Variants in HOXA6 observed in about 807,000 individuals in gnomAD.
HOXA6 encodes homeobox A6.
A neutral mutation model predicts 23.2 loss-of-function variants in HOXA6; 19 were observed. The observed-to-expected ratio is 0.82, with a 90% CI of 0.57 to 1.20. HOXA6 has a LOEUF of 1.20. HOXA6 is among the 50% of genes most tolerant of loss of function. The probability of loss-of-function intolerance (pLI) is 0.00; values close to 1 mark genes in which losing one functional copy is unlikely to be tolerated. For synonymous variants in HOXA6, 140 were observed against 132.6 expected, an observed-to-expected ratio of 1.06 and a Z score of -0.38; for missense variants, 346 against 313.6, an observed-to-expected ratio of 1.10 and a Z score of -0.78.
chr7:27,145,868 G>C lies in HOXA6; in HGVS notation c.492C>G (p.Arg164=), dbSNP rs1460040575. ...HGRRGRQTYT[R]YQTLELEKEF... ...CCTTCTCCAGCTCCAGTGTCTGGTA[G>C]CGCGTGTAGGTCTGGCGGCCTCGGC... Residue 164 remains arginine, a synonymous_variant, in exon 2 of 2, where the codon CGC becomes CGG. Coordinates refer to ENST00000222728, the MANE Select transcript of HOXA6 (RefSeq NM_024014.4). 6.2e-7 allele frequency: 1 copy of C among 1,614,218 alleles called. No homozygotes were observed. Among genetic ancestry groups the C allele is most frequent in the East Asian group, 2.2e-5 (1 of 44,874 alleles).
At position 27,145,852 on chromosome 7, in the gene HOXA6, G is replaced by A; in HGVS notation, c.508C>T (p.Leu170=). Residue 170 remains leucine (L), a synonymous_variant, in exon 2 of 2, where the codon CTG becomes TTG. Transcript: ENST00000222728. ...CGGTTGAAGTGGAACTCCTTCTCCA[G>A]CTCCAGTGTCTGGTAGCGCGTGTAG... The part of the protein sequence containing the change: ...QTYTRYQTLE[L]EKEFHFNRYL... The A allele has an allele frequency of 6.2e-6, 10 of 1,614,250 alleles. No homozygotes were observed. The highest frequency in any genetic ancestry group is 8.5e-6 in the Non-Finnish European group (10 of 1,180,056).
rs1168270217 is a variant in HOXA6, at chr7:27,147,575, G to A, written c.175C>T (p.Gln59Ter). 6.2e-7 allele frequency: 1 copy of A among 1,614,130 alleles called. No individual in the cohort carries two copies. The highest frequency in any genetic ancestry group is 8.5e-7 in the Non-Finnish European group (1 of 1,180,060). ...CAGGCCAGGACCGAGTTGGACTGTT[G>A]GTAGAAACAAGGTGAGGTGTACGTC... ...DKTYTSPCFYQQSNSVLACNR... is the reference protein window; with the variant it reads ...DKTYTSPCFY The change falls in exon 1 of 2, where the codon CAA becomes TAA. Residue 59 changes from glutamine to a stop codon, truncating the protein, a stop_gained. Coordinates refer to ENST00000222728, the MANE Select transcript of HOXA6 (RefSeq NM_024014.4). LOFTEE classifies it high-confidence loss of function.
At position 27,145,717 on chromosome 7, in the gene HOXA6, TG is replaced by T; in HGVS notation, c.642del (p.Asn214LysfsTer?). 6.2e-7 allele frequency: 1 copy of T among 1,614,186 alleles called. No homozygotes were observed. The highest frequency in any genetic ancestry group is 8.5e-7 in the Non-Finnish European group (1 of 1,180,036). ...QNRRMKWKKE[N>X]KLINSTQPSG... is the part of the protein sequence containing the mutation. ...CTGGGCTGCGTGGAATTGATGAGCT[TG>T]TTTTCCTTTTTCCACTTCATGCGGC... On this transcript the variant is annotated frameshift_variant, in exon 2 of 2. Transcript: ENST00000222728. LOFTEE classifies it high-confidence loss of function.
chr7:27,147,672 G>A lies in HOXA6; in HGVS notation c.78C>T (p.Pro26=), dbSNP rs866015529. 2 of 1,614,066 alleles carry A rather than the reference G, an allele frequency of 1.2e-6. No homozygotes were observed. The highest frequency in any genetic ancestry group is 1.7e-6 in the Non-Finnish European group (2 of 1,180,042). The change falls in exon 1 of 2, where the codon CCC becomes CCT. Residue 26 remains proline (P), a synonymous_variant. Coordinates refer to ENST00000222728, the MANE Select transcript of HOXA6 (RefSeq NM_024014.4). ...GCGCGTCATAGCCAGCCTGGTAGAG[G>A]GGCAGCTGGCCCAAGAAGGAGTCCT... ...SGQDSFLGQL[P]LYQAGYDALR...
intron 1 of HOXA6, among the ~76,000 whole-genome samples, chr7:27,146,261 G>GTT (rs1782765395): frequency 6.6e-6 from 1 of 151,692 alleles, no homozygotes; most frequent in Non-Finnish European, 1.5e-5. Context: ...TTGTGTGTGT[G>GTT]TGTGTGTGTG....
At position 27,145,832 on chromosome 7, in the gene HOXA6, G is replaced by A. The variant is rs750134271; in HGVS notation, c.528C>T (p.Phe176=). 1.9e-6 allele frequency: 3 copies of A among 1,614,274 alleles called. No homozygotes were observed. In the East Asian group the frequency reaches 6.7e-5, roughly 36 times the overall value. ...GGCGGCGCCGTGTCAGGTAGCGGTT[G>A]AAGTGGAACTCCTTCTCCAGCTCCA... The part of the protein sequence containing the change: ...QTLELEKEFH[F]NRYLTRRRRI... Residue 176 remains phenylalanine (F), a synonymous_variant, in exon 2 of 2, where the codon TTC becomes TTT. Transcript: ENST00000222728.
In HOXA6 at chr7:27,145,576, G is replaced by A. The variant is rs1249459073; in HGVS notation, c.*82C>T. ...GAAGCCCCCAGATGGGAGCAGGCGGGGAGAAAAGTTGGGGAACAGGCGAGG... is the reference window on the plus strand; with the variant it reads ...GAAGCCCCCAGATGGGAGCAGGCGGAGAGAAAAGTTGGGGAACAGGCGAGG... On this transcript the variant is annotated 3_prime_UTR_variant, in exon 2 of 2. Coordinates refer to ENST00000222728, the MANE Select transcript of HOXA6 (RefSeq NM_024014.4). 5.2e-6 allele frequency: 8 copies of A among 1,531,548 alleles called. No individual in the cohort carries two copies. Among genetic ancestry groups the A allele is most frequent in the Non-Finnish European group, 7.0e-6 (8 of 1,138,932 alleles). 94.9% of individuals were successfully genotyped at this position (1,531,548 alleles called of 1,614,324 possible). A position where few individuals can be genotyped will look rare whatever the true frequency, so the allele number is the denominator to read the frequency against.
rs767679442 is a variant in HOXA6 at position 27,145,659 on chromosome 7, T to G, written c.701A>C (p.Ter234SerextTer?). ...GEDSEAKAGE[*>S] is the part of the protein sequence containing the mutation. Reference sequence around the variant, plus strand: ...CTGGCCTGGTCCCTGCCCAGGCATCTACTCGCCCGCCTTTGCCTCTGAGTC... The same window carrying G: ...CTGGCCTGGTCCCTGCCCAGGCATCGACTCGCCCGCCTTTGCCTCTGAGTC... The change falls in exon 2 of 2, where the codon TAG becomes TCG. Residue 234 changes from the stop codon to serine (S), a stop_lost. Coordinates refer to ENST00000222728, the MANE Select transcript of HOXA6 (RefSeq NM_024014.4). The G allele has an allele frequency of 2.5e-6, 4 of 1,612,862 alleles. No individual in the cohort carries two copies. Among genetic ancestry groups the G allele is most frequent in the South Asian group, 1.1e-5 (1 of 91,030 alleles).
intron 1 of HOXA6, 194 bp downstream of exon 1, chr7:27,147,114 G>T (rs997839392): frequency 2.9e-5 from 18 of 624,282 alleles, no homozygotes; most frequent in Non-Finnish European, 5.0e-5. Context: ...CTGGGGCCTT[G>T]CCCTTCCTCT....
In HOXA6 at chr7:27,147,363, G is replaced by C. The variant is rs200483396; in HGVS notation, c.387C>G (p.Asp129Glu). 66 of 1,614,194 alleles carry C rather than the reference G, an allele frequency of 4.1e-5. 1 individual carries two copies. Among genetic ancestry groups the C allele is most frequent in the Non-Finnish European group, 2.5e-6 (3 of 1,180,038 alleles). ...GGTAAACCGGGCTCGTGTACTTCCG[G>C]TCGGCGCCTTCGTCATGGAGTGCTT... The part of the protein sequence containing the change: ...QGKALHDEGA[D>E]RKYTSPVYPW... The change falls in exon 1 of 2, where the codon GAC (aspartate) becomes GAG (glutamate). Residue 129 changes from aspartate (D) to glutamate (E), a missense_variant. Physicochemically the swap from Asp to Glu is conservative, Grantham distance 45. Coordinates refer to ENST00000222728, the MANE Select transcript of HOXA6 (RefSeq NM_024014.4).
At position 27,147,744 on chromosome 7, in the gene HOXA6, A is replaced by G; in HGVS notation, c.6T>C (p.Ser2=). ...GGAAAGTGGGATTCACAAAATAGGA[A>G]CTCATTTGCGCGCCCCTCTGCAGGA... M[S]SYFVNPTFPG... Residue 2 remains serine, a synonymous_variant, in exon 1 of 2, where the codon AGT becomes AGC. Transcript: ENST00000222728. 6.2e-7 allele frequency: 1 copy of G among 1,601,020 alleles called. No individual in the cohort carries two copies. The highest frequency in any genetic ancestry group is 1.1e-5 in the South Asian group (1 of 90,932).
In HOXA6 at chr7:27,145,454, T is replaced by G; in HGVS notation, c.*204A>C. 1.3e-5 allele frequency: 1 copy of G among 79,084 alleles called. No individual in the cohort carries two copies. The highest frequency in any genetic ancestry group is 2.2e-5 in the Non-Finnish European group (1 of 45,654). The allele number at this position is 79,084 out of a possible 1,614,324, so 4.9% of individuals were successfully genotyped here. Reference sequence around the variant, plus strand: ...GTATTGGCTGTGTGTGAGGTTTTGTTTTGTTTTGTTTTGTTTTGTTTTGTT... The same window carrying G: ...GTATTGGCTGTGTGTGAGGTTTTGTGTTGTTTTGTTTTGTTTTGTTTTGTT... On this transcript the variant is annotated 3_prime_UTR_variant, in exon 2 of 2. Transcript: ENST00000222728.
rs759859340 is a variant in HOXA6 at position 27,145,871 on chromosome 7, C to T, written c.489G>A (p.Thr163=). 6.2e-7 allele frequency: 1 copy of T among 1,614,064 alleles called. No individual in the cohort carries two copies. The highest frequency in any genetic ancestry group is 8.5e-7 in the Non-Finnish European group (1 of 1,179,996). ...SHGRRGRQTY[T]RYQTLELEKE... ...TCTCCAGCTCCAGTGTCTGGTAGCGCGTGTAGGTCTGGCGGCCTCGGCGCC... is the reference window on the plus strand; with the variant it reads ...TCTCCAGCTCCAGTGTCTGGTAGCGTGTGTAGGTCTGGCGGCCTCGGCGCC... The change falls in exon 2 of 2, where the codon ACG becomes ACA. Residue 163 remains threonine, a synonymous_variant. Transcript: ENST00000222728.
rs375876584 is a variant in HOXA6, at chr7:27,145,710, A to C, written c.650T>G (p.Ile217Ser). ...RMKWKKENKLINSTQPSGEDS... is the reference protein window; with the variant it reads ...RMKWKKENKLSNSTQPSGEDS... ...CTCCCCGCTGGGCTGCGTGGAATTG[A>C]TGAGCTTGTTTTCCTTTTTCCACTT... is the stretch of plus-strand genomic sequence containing the variant. Residue 217 changes from isoleucine (I) to serine (S), a missense_variant, in exon 2 of 2, where the codon ATC (isoleucine) becomes AGC (serine). Coordinates refer to ENST00000222728, the MANE Select transcript of HOXA6 (RefSeq NM_024014.4). 5.0e-6 allele frequency: 8 copies of C among 1,614,026 alleles called. No homozygotes were observed. The highest frequency in any genetic ancestry group is 6.8e-6 in the Non-Finnish European group (8 of 1,180,042).
At chr7:27,146,272 TG>T (rs17500869) in intron 1 of HOXA6, among the ~76,000 whole-genome samples, 1 of 151,546 alleles carries the variant, frequency 6.6e-6, no homozygotes, top group Non-Finnish European at 1.5e-5. Flanking sequence ...TGTGTGTGTG[TG>T]TCTGGGGTGG....
chr7:27,147,188 T>G (rs1782797384), intron 1 of HOXA6, 120 bp downstream of exon 1: 1 of 1,044,804 alleles, frequency 9.6e-7, no homozygotes. Flanking sequence ...CCAAAGAAAC[T>G]TTGCTGGTTC....
At position 27,147,597 on chromosome 7, in the gene HOXA6, C is replaced by A; in HGVS notation, c.153G>T (p.Thr51=). 6.2e-7 allele frequency: 1 copy of A among 1,614,192 alleles called. No individual in the cohort carries two copies. Among genetic ancestry groups the A allele is most frequent in the Non-Finnish European group, 8.5e-7 (1 of 1,180,048 alleles). Residue 51 remains threonine (T), a synonymous_variant, in exon 1 of 2, where the codon ACG becomes ACT. Transcript: ENST00000222728. ...GTTGGTAGAAACAAGGTGAGGTGTA[C>A]GTCTTGTCCGGGAGACTCGACGCCC... is the stretch of plus-strand genomic sequence containing the variant. ...SYGASSLPDK[T]YTSPCFYQQS... is the part of the protein sequence containing the mutation.
chr7:27,147,602 T>G lies in HOXA6; in HGVS notation c.148A>C (p.Lys50Gln), dbSNP rs747316620. 6.2e-7 allele frequency: 1 copy of G among 1,614,220 alleles called. No homozygotes were observed. The highest frequency in any genetic ancestry group is 2.2e-5 in the East Asian group (1 of 44,890). The change falls in exon 1 of 2, where the codon AAG becomes CAG. Residue 50 changes from lysine to glutamine, a missense_variant. Lys to Gln is a moderately conservative substitution (Grantham distance 53, BLOSUM62 1). Transcript: ENST00000222728. ...ASYGASSLPD[K>Q]TYTSPCFYQQ... is the part of the protein sequence containing the mutation. ...TAGAAACAAGGTGAGGTGTACGTCT[T>G]GTCCGGGAGACTCGACGCCCCGTAC...
chr7:27,147,666 G>A lies in HOXA6; in HGVS notation c.84C>T (p.Tyr28=). 1 of 1,614,140 alleles carries A rather than the reference G, an allele frequency of 6.2e-7. No homozygotes were observed. Among genetic ancestry groups the A allele is most frequent in the Non-Finnish European group, 8.5e-7 (1 of 1,180,038 alleles). ...QDSFLGQLPL[Y]QAGYDALRPF... ...GCCTCAGCGCGTCATAGCCAGCCTG[G>A]TAGAGGGGCAGCTGGCCCAAGAAGG... The change falls in exon 1 of 2, where the codon TAC becomes TAT. Residue 28 remains tyrosine (Y), a synonymous_variant. Coordinates refer to ENST00000222728, the MANE Select transcript of HOXA6 (RefSeq NM_024014.4).
Sources: allele counts gnomAD v4.1 joint callset (sites outside exome capture counted in the v4.1 genomes callset), GRCh38; gene constraint gnomAD v4.1.1; transcripts MANE v1.5; gene names NCBI Gene and HGNC (gene_info 2026-07-23, HGNC 2026-07-21).